Variants in AGPAT3 observed in about 807,000 individuals in gnomAD.
AGPAT3 encodes the protein 1-acylglycerol-3-phosphate O-acyltransferase 3.
A neutral mutation model predicts 47.3 loss-of-function variants in AGPAT3; 5 were observed. The observed-to-expected ratio is 0.11, with a 90% confidence interval of 0.06 to 0.22. The LOEUF (loss-of-function observed/expected upper bound fraction) is 0.22, where lower values mean the gene tolerates loss of function less well. Among genes scored for constraint, AGPAT3 ranks in the 10% least tolerant of loss-of-function variants. The pLI, the probability that AGPAT3 is intolerant of heterozygous loss-of-function variation, is 1.00. For synonymous variants in AGPAT3, 212 were observed against 208.3 expected (o/e 1.02, Z -0.15); for missense variants, 315 against 493.0 (o/e 0.64, Z 3.42).
At chr21:43,865,421 C>T (rs2085481851) in intron 1 of AGPAT3, 76 bp downstream of exon 1, 1 of 146,716 alleles carries the variant, frequency 6.8e-6, no homozygotes, top group Admixed American at 6.8e-5. Flanking sequence ...CGAGGTCGCC[C>T]TCCCGCCGCC....
Position 43,955,720 on chromosome 21 carries a change from A to G in AGPAT3, c.-48-3914A>G, listed in dbSNP as rs1429841961. On this transcript the variant is annotated intron_variant, in intron 2 of 9. Coordinates refer to ENST00000291572, the MANE Select transcript of AGPAT3 (RefSeq NM_020132.5). The surrounding 1 kb of genome is among the most constrained non-coding windows in gnomAD (Gnocchi z 4.1). ...CAGGAGATCGAGGCCAGCCTGGCCA[A>G]CATGGCGAAACCCCATCTCTACTAA... 6.6e-6 allele frequency among the ~76,000 whole-genome samples: 1 copy of G among 151,990 alleles called. No individual in the cohort carries two copies.
intron 2 of AGPAT3, among the ~76,000 whole-genome samples, chr21:43,905,568 A>G (rs1356268549): frequency 6.6e-6 from 1 of 152,232 alleles, no homozygotes; most frequent in Admixed American, 6.5e-5. Flanking sequence ...TACTATAAAG[A>G]CACAGTGGCA....
intron 2 of AGPAT3, among the ~76,000 whole-genome samples, chr21:43,926,726 G>A (rs1211792729): frequency 2.0e-5 from 3 of 149,506 alleles, no homozygotes; most frequent in Non-Finnish European, 3.0e-5. Flanking sequence ...TTGGGAGGCC[G>A]AGGTGGGTGG....
At chr21:43,980,839 G>C in intron 8 of AGPAT3, 150 bp from the exon 9 acceptor site, 1 of 731,930 alleles carries the variant, frequency 1.4e-6, no homozygotes, top group Non-Finnish European at 2.3e-6. Flanking sequence ...AGCTTCGCCT[G>C]CACCTGCAGC....
intron 5 of AGPAT3, among the ~76,000 whole-genome samples, 166 bp downstream of exon 5, chr21:43,969,445 A>G (rs565215292): frequency 1.3e-5 from 2 of 152,260 alleles, no homozygotes; most frequent in African/African-American, 4.8e-5. Flanking sequence ...GCAGGCGTGG[A>G]GGCTTCTCTT....
chr21:43,926,426 A>C (rs1044904807), intron 2 of AGPAT3, among the ~76,000 whole-genome samples: 1 of 152,058 alleles, frequency 6.6e-6, no homozygotes, highest in African/African-American at 2.4e-5. Context: ...GTGTGGCAGG[A>C]CTGGGGGTGA....
At chr21:43,875,759 C>G (rs1241811873) in intron 1 of AGPAT3, among the ~76,000 whole-genome samples, 1 of 152,222 alleles carries the variant, frequency 6.6e-6, no homozygotes, top group Non-Finnish European at 1.5e-5. Flanking sequence ...AGGTGCCCAC[C>G]ACCATGCCCG....
chr21:43,869,759 G>A (rs1440972285), intron 1 of AGPAT3, among the ~76,000 whole-genome samples: 1 of 152,216 alleles, frequency 6.6e-6, no homozygotes, highest in African/African-American at 2.4e-5. Context: ...GGGTCCCGAA[G>A]GTGTCTCAGC....
chr21:43,893,659 A>T (rs2086149682), intron 1 of AGPAT3, among the ~76,000 whole-genome samples: 1 of 152,222 alleles, frequency 6.6e-6, no homozygotes. Flanking sequence ...CTTACAGGCC[A>T]TCAGAGGGTT....
intron 2 of AGPAT3, among the ~76,000 whole-genome samples, chr21:43,915,405 CTTTTTTT>C (rs747494231): frequency 1.8e-4 from 7 of 38,858 alleles, no homozygotes; most frequent in South Asian, 1.0e-3. Context: ...TCTTGATTAG[CTTTTTTT>C]TTTTTTTTTT....
intron 2 of AGPAT3, among the ~76,000 whole-genome samples, chr21:43,927,036 T>C (rs1458148053): frequency 6.8e-6 from 1 of 146,212 alleles, no homozygotes; most frequent in Non-Finnish European, 1.5e-5. Context: ...TAGGCTAGTC[T>C]CAAACTCCTG....
Position 43,939,012 on chromosome 21 carries a change from C to T in AGPAT3, c.-48-20622C>T, listed in dbSNP as rs2087550070. On this transcript the variant is annotated intron_variant, in intron 2 of 9. Coordinates refer to ENST00000291572, the MANE Select transcript of AGPAT3 (RefSeq NM_020132.5). The surrounding 1 kb of genome is among the most constrained non-coding windows in gnomAD (Gnocchi z 4.4). The stretch of plus-strand genomic sequence containing the variant: ...CATGTCAGGACTGAGCTGAGCGGTT[C>T]CCACCTCTCAGTCCACAGTTTCCCA... Among the ~76,000 whole-genome samples the T allele has an allele frequency of 6.6e-6, 1 of 152,212 alleles. No homozygotes were observed. Among genetic ancestry groups the T allele is most frequent in the Admixed American group, 6.5e-5 (1 of 15,288 alleles).
At chr21:43,968,179 G>T in intron 4 of AGPAT3, 64 bp downstream of exon 4, 2 of 1,576,748 alleles carry the variant, frequency 1.3e-6, no homozygotes. Context: ...CCGGGGGTGA[G>T]CGGGGACCCA....
chr21:43,967,238 G>C lies in AGPAT3; in HGVS notation c.179-708G>C, dbSNP rs374134915. On this transcript the variant is annotated intron_variant, in intron 3 of 9. Coordinates refer to ENST00000291572, the MANE Select transcript of AGPAT3 (RefSeq NM_020132.5). ...CCAGGGGAAGAGACCAAGGGAGGAG[G>C]CTCCAAGAACCCCTGGGTGGGGGGG... 2.5e-4 allele frequency: 38 copies of C among 152,576 alleles called. 1 individual carries two copies. Among genetic ancestry groups the C allele is most frequent in the African/African-American group, 8.9e-4 (37 of 41,572 alleles). 9.5% of individuals were successfully genotyped at this position (152,576 alleles called of 1,614,324 possible).
chr21:43,961,960 G>C (rs1262985165), intron 3 of AGPAT3, among the ~76,000 whole-genome samples: 1 of 151,576 alleles, frequency 6.6e-6, no homozygotes, highest in Non-Finnish European at 1.5e-5. Context: ...AGACTAGCTT[G>C]TCTTAAATGT....
At chr21:43,874,026 T>C (rs904589713) in intron 1 of AGPAT3, among the ~76,000 whole-genome samples, 28 of 152,256 alleles carry the variant, frequency 1.8e-4, no homozygotes, top group African/African-American at 6.5e-4. Context: ...TTCAACTTTC[T>C]GTCATAAGTA....
intron 2 of AGPAT3, among the ~76,000 whole-genome samples, chr21:43,906,791 C>G (rs1483258718): frequency 6.6e-6 from 1 of 152,218 alleles, no homozygotes; most frequent in Admixed American, 6.5e-5. Flanking sequence ...CGGCTACTTG[C>G]CCAGGGGAGC....
chr21:43,978,293 T>TTTTGC (rs1159008818), intron 8 of AGPAT3, among the ~76,000 whole-genome samples, 172 bp downstream of exon 8: 1 of 139,248 alleles, frequency 7.2e-6, no homozygotes, highest in African/African-American at 3.3e-5. Flanking sequence ...TTTTGTTTTG[T>TTTTGC]TTTTGTTTTT....
Position 43,920,499 on chromosome 21 carries a change from G to T in AGPAT3, c.-49+16480G>T, listed in dbSNP as rs1402439501. 3.3e-5 allele frequency among the ~76,000 whole-genome samples: 5 copies of T among 152,110 alleles called. No individual in the cohort carries two copies. Among genetic ancestry groups the T allele is most frequent in the Admixed American group, 6.5e-5 (1 of 15,276 alleles). Reference sequence around the variant, plus strand: ...TTGCTAATGAGGTGACTGTGGCTGGGGCTCCAGGACAGCCTCCTGGGGGAC... The same window carrying T: ...TTGCTAATGAGGTGACTGTGGCTGGTGCTCCAGGACAGCCTCCTGGGGGAC... On this transcript the variant is annotated intron_variant, in intron 2 of 9. Coordinates refer to ENST00000291572, the MANE Select transcript of AGPAT3 (RefSeq NM_020132.5). The surrounding 1 kb of genome is among the most constrained non-coding windows in gnomAD (Gnocchi z 6.1).
Sources: allele counts gnomAD v4.1 joint callset (sites outside exome capture counted in the v4.1 genomes callset), GRCh38; gene constraint gnomAD v4.1.1; non-coding constraint Gnocchi (gnomAD v3.1); transcripts MANE v1.5; gene names NCBI Gene and HGNC (gene_info 2026-07-23, HGNC 2026-07-21).